PRKN: variants seen among roughly 807,000 people sequenced by gnomAD.
PRKN encodes the protein E3 ubiquitin-protein ligase parkin.
In PRKN, 56 loss-of-function variants were observed where a neutral mutation model predicts 59.5. The observed-to-expected ratio is 0.94, with a 90% confidence interval of 0.76 to 1.18. The LOEUF (loss-of-function observed/expected upper bound fraction) is 1.18. Ranked by LOEUF, PRKN falls within the 50% of genes most tolerant of loss-of-function variation. The pLI is 0.00. For synonymous variants in PRKN, 250 were observed against 222.1 expected, an observed-to-expected ratio of 1.13 and a Z score of -1.12; for missense variants, 657 against 596.4, an observed-to-expected ratio of 1.10 and a Z score of -1.06.
At chr6:161,797,342 C>A (rs2128209664) in intron 6 of PRKN, among the ~76,000 whole-genome samples, 1 of 152,320 alleles carries the variant, frequency 6.6e-6, no homozygotes, top group South Asian at 2.1e-4. Context: ...CTCCGGCTCA[C>A]TGCAACCTCT....
chr6:161,715,926 T>G, intron 7 of PRKN: 1 of 414,658 alleles, frequency 2.4e-6, no homozygotes, highest in South Asian at 1.8e-5. Context: ...TATGAATTTG[T>G]TAGAAACTCA....
At chr6:161,746,404 G>A (rs1432297165) in intron 7 of PRKN, among the ~76,000 whole-genome samples, 4 of 151,562 alleles carry the variant, frequency 2.6e-5, no homozygotes, top group South Asian at 4.2e-4. Context: ...TAATTGGCTG[G>A]GTCTAAGTCC....
intron 1 of PRKN, among the ~76,000 whole-genome samples, chr6:162,596,684 C>A (rs1233988744): frequency 6.6e-6 from 1 of 152,156 alleles, no homozygotes; most frequent in East Asian, 1.9e-4. Context: ...ATCTGACTAT[C>A]CTAGAATAGC....
intron 1 of PRKN, among the ~76,000 whole-genome samples, chr6:162,550,254 G>C (rs1044726147): frequency 1.3e-5 from 2 of 152,166 alleles, no homozygotes; most frequent in South Asian, 4.1e-4. Context: ...GTCTTAGGTA[G>C]GATTTCCTAG....
intron 5 of PRKN, among the ~76,000 whole-genome samples, chr6:161,978,090 C>A (rs934557612): frequency 1.3e-5 from 2 of 150,136 alleles, no homozygotes; most frequent in African/African-American, 5.0e-5. Context: ...GCTCTTTTTG[C>A]CCAAGTTGTA....
intron 4 of PRKN, among the ~76,000 whole-genome samples, chr6:162,070,857 G>T (rs1021591226): frequency 1.3e-5 from 2 of 152,060 alleles, no homozygotes; most frequent in African/African-American, 4.8e-5. Context: ...CTGCTGAGTG[G>T]CCTGGTTCCT....
At chr6:161,797,302 A>C (rs2128209652) in intron 6 of PRKN, among the ~76,000 whole-genome samples, 2 of 152,152 alleles carry the variant, frequency 1.3e-5, no homozygotes, top group Admixed American at 1.3e-4. Flanking sequence ...CCCAGGCTGG[A>C]GTGCAGTGGC....
At chr6:161,924,280 C>A (rs1216479798) in intron 6 of PRKN, among the ~76,000 whole-genome samples, 1 of 152,156 alleles carries the variant, frequency 6.6e-6, no homozygotes, top group Non-Finnish European at 1.5e-5. Flanking sequence ...CTCACACACT[C>A]CAGGAAGGCC....
At chr6:161,500,900 A>C (rs1355619373) in intron 9 of PRKN, among the ~76,000 whole-genome samples, 5 of 130,498 alleles carry the variant, frequency 3.8e-5, no homozygotes, top group East Asian at 4.2e-4. Flanking sequence ...TTTTGAGACC[A>C]AGTCTCCCTC....
intron 3 of PRKN, among the ~76,000 whole-genome samples, chr6:162,204,741 A>G (rs1784863276): frequency 6.7e-6 from 1 of 149,844 alleles, no homozygotes; most frequent in South Asian, 2.1e-4. Flanking sequence ...CAGAGAAGTT[A>G]AAAAGAAAAG....
chr6:162,487,775 G>T (rs1792614887), intron 1 of PRKN, among the ~76,000 whole-genome samples: 1 of 151,954 alleles, frequency 6.6e-6, no homozygotes, highest in Non-Finnish European at 1.5e-5. Context: ...TAGCAAAACT[G>T]TTTTATAAAA....
intron 7 of PRKN, among the ~76,000 whole-genome samples, chr6:161,768,593 T>A (rs1789529510): frequency 6.6e-6 from 1 of 152,186 alleles, no homozygotes; most frequent in Non-Finnish European, 1.5e-5. Context: ...ATATAAAAAG[T>A]AAATCAAACA....
chr6:162,154,143 A>G (rs1306362384), intron 4 of PRKN, among the ~76,000 whole-genome samples: 1 of 152,110 alleles, frequency 6.6e-6, no homozygotes, highest in Non-Finnish European at 1.5e-5. Context: ...TCGAGGAACT[A>G]GCCTCTCTCC....
At chr6:161,856,309 G>A (rs1288158794) in intron 6 of PRKN, among the ~76,000 whole-genome samples, 3 of 151,866 alleles carry the variant, frequency 2.0e-5, no homozygotes, top group Non-Finnish European at 2.9e-5. Context: ...GCAGCGAGCC[G>A]AGATTGCGCC....
At chr6:162,476,057 CTTTT>C (rs765988655) in intron 1 of PRKN, among the ~76,000 whole-genome samples, 2 of 113,012 alleles carry the variant, frequency 1.8e-5, no homozygotes, top group East Asian at 2.7e-4. Context: ...TAACACCACT[CTTTT>C]TTTTTTTTTT....
At chr6:161,957,106 A>C (rs1780197601) in intron 6 of PRKN, among the ~76,000 whole-genome samples, 1 of 152,200 alleles carries the variant, frequency 6.6e-6, no homozygotes, top group Non-Finnish European at 1.5e-5. Flanking sequence ...CACCTTCCTT[A>C]CTGTCATACG....
Position 161,529,127 on chromosome 6 carries a change from C to T in PRKN, c.1083+19727G>A, listed in dbSNP as rs956267622. Reference sequence around the variant, plus strand: ...AGCCACAACCACAGACTCTACGCTGCGTTCCTCTCCCTAGTCACCGCATGC... The same window carrying T: ...AGCCACAACCACAGACTCTACGCTGTGTTCCTCTCCCTAGTCACCGCATGC... On this transcript the variant is annotated intron_variant, in intron 9 of 11. Coordinates refer to ENST00000366898, the MANE Select transcript of PRKN (RefSeq NM_004562.3). The surrounding 1 kb of genome is among the most constrained non-coding windows in gnomAD (Gnocchi z 4.4). Among the ~76,000 whole-genome samples, 3 of 152,196 alleles carry T rather than the reference C, an allele frequency of 2.0e-5. No homozygotes were observed. Among genetic ancestry groups the T allele is most frequent in the Admixed American group, 6.5e-5 (1 of 15,284 alleles).
chr6:162,633,432 C>CGAAA (rs1777591043), intron 1 of PRKN, among the ~76,000 whole-genome samples: 1 of 61,846 alleles, frequency 1.6e-5, no homozygotes, highest in Non-Finnish European at 2.7e-5. Flanking sequence ...AAGACTGTCT[C>CGAAA]AAAAAAAAAA....
chr6:161,501,530 C>T (rs1346417772), intron 9 of PRKN, among the ~76,000 whole-genome samples: 4 of 151,576 alleles, frequency 2.6e-5, no homozygotes, highest in Admixed American at 6.6e-5. Flanking sequence ...TCCCTTTATC[C>T]GATAGGTCTT....
Sources: allele counts gnomAD v4.1 joint callset (sites outside exome capture counted in the v4.1 genomes callset), GRCh38; gene constraint gnomAD v4.1.1; non-coding constraint Gnocchi (gnomAD v3.1); transcripts MANE v1.5; gene names NCBI Gene and HGNC (gene_info 2026-07-23, HGNC 2026-07-21).